RALGPS2: variants seen among roughly 807,000 people sequenced by gnomAD.
RALGPS2 encodes Ral GEF with PH domain and SH3 binding motif 2.
RALGPS2 carries 43 observed loss-of-function variants against 86.8 expected under a neutral mutation model. The observed-to-expected ratio is 0.50, with a 90% CI of 0.39 to 0.64. The LOEUF (loss-of-function observed/expected upper bound fraction) is 0.64, where lower values mean the gene tolerates loss of function less well. RALGPS2 is among the 30% of genes least tolerant of loss of function. The pLI, the probability that RALGPS2 is intolerant of heterozygous loss-of-function variation, is 0.00. For missense variants in RALGPS2, 536 were observed against 694.6 expected (o/e 0.77, Z 2.57); for synonymous variants, 243 against 231.3 (o/e 1.05, Z -0.46).
chr1:178,889,587 G>A (rs978499523), intron 13 of RALGPS2, 55 bp from the exon 14 acceptor site: 14 of 1,163,370 alleles, frequency 1.2e-5, no homozygotes, highest in Non-Finnish European at 1.8e-5. Context: ...ATTGTGAAAT[G>A]CAAACTAGAG....
chr1:178,748,935 A>G (rs1338120650), intron 1 of RALGPS2, among the ~76,000 whole-genome samples: 1 of 151,392 alleles, frequency 6.6e-6, no homozygotes, highest in African/African-American at 2.4e-5. Context: ...TATACTATAT[A>G]TGTACTTTGA....
At chr1:178,847,319 G>A (rs980962208) in intron 8 of RALGPS2, among the ~76,000 whole-genome samples, 5 of 152,124 alleles carry the variant, frequency 3.3e-5, no homozygotes, top group South Asian at 2.1e-4. Flanking sequence ...GGTGGTGGGC[G>A]CCTGTAATCC....
intron 8 of RALGPS2, among the ~76,000 whole-genome samples, chr1:178,872,208 G>T (rs1275462587): frequency 6.6e-6 from 1 of 152,032 alleles, no homozygotes; most frequent in Non-Finnish European, 1.5e-5. Context: ...TTTCTGTTAG[G>T]CCACACTGTT....
intron 1 of RALGPS2, among the ~76,000 whole-genome samples, chr1:178,775,416 TTA>T (rs1187516681): frequency 6.6e-6 from 1 of 152,260 alleles, no homozygotes; most frequent in East Asian, 1.9e-4. Flanking sequence ...AGTACCTAAT[TTA>T]TAGACACTTA....
chr1:178,770,050 T>C (rs1207548617), intron 1 of RALGPS2, among the ~76,000 whole-genome samples: 1 of 140,470 alleles, frequency 7.1e-6, no homozygotes, highest in African/African-American at 2.6e-5. Context: ...AAGGTCTCAC[T>C]CTCTTGCCTA....
chr1:178,845,264 A>G (rs930298070), intron 8 of RALGPS2, among the ~76,000 whole-genome samples: 21 of 152,126 alleles, frequency 1.4e-4, no homozygotes, highest in Non-Finnish European at 2.8e-4. Context: ...GTGGATCTAG[A>G]TATGACTCCT....
chr1:178,860,765 G>A (rs1012331094), intron 8 of RALGPS2, among the ~76,000 whole-genome samples: 2 of 152,028 alleles, frequency 1.3e-5, no homozygotes, highest in African/African-American at 4.8e-5. Context: ...TATGCATGTG[G>A]AGACTTTAGA....
At chr1:178,726,700 C>T (rs1008462741) in intron 1 of RALGPS2, among the ~76,000 whole-genome samples, 1 of 151,990 alleles carries the variant, frequency 6.6e-6, no homozygotes, top group African/African-American at 2.4e-5. Flanking sequence ...CTTTTCTTAC[C>T]AGTGTTCATG....
At chr1:178,767,597 G>T (rs1038539849) in intron 1 of RALGPS2, among the ~76,000 whole-genome samples, 1 of 152,060 alleles carries the variant, frequency 6.6e-6, no homozygotes, top group Non-Finnish European at 1.5e-5. Context: ...TGCTGTTCAT[G>T]TGCTCCCCAG....
At chr1:178,892,416 T>C in intron 15 of RALGPS2, 109 bp downstream of exon 15, 1 of 850,926 alleles carries the variant, frequency 1.2e-6, no homozygotes, top group Non-Finnish European at 1.8e-6. Context: ...CTAATTGATT[T>C]AAAAACTAAA....
rs1655727377 is a variant in RALGPS2 at position 178,826,018 on chromosome 1, A to G, written c.480+4314A>G. 2.0e-5 allele frequency among the ~76,000 whole-genome samples: 3 copies of G among 152,206 alleles called. 1 individual carries two copies. Among genetic ancestry groups the G allele is most frequent in the South Asian group, 4.1e-4 (2 of 4,830 alleles). On this transcript the variant is annotated intron_variant, in intron 7 of 19. Coordinates refer to ENST00000367635, the MANE Select transcript of RALGPS2 (RefSeq NM_152663.5). ...CAAGGTTTATAAGAAAAGAAAGGGA[A>G]TGCTTAGAGAAAATGTTAAGGATAG...
intron 1 of RALGPS2, among the ~76,000 whole-genome samples, chr1:178,743,315 T>C (rs991016167): frequency 5.3e-5 from 8 of 152,122 alleles, no homozygotes; most frequent in African/African-American, 1.9e-4. Context: ...AGATCTCAAA[T>C]CATTCACTTC....
chr1:178,836,376 CCTT>C (rs753963186), intron 8 of RALGPS2, among the ~76,000 whole-genome samples: 5 of 152,244 alleles, frequency 3.3e-5, no homozygotes, highest in South Asian at 2.1e-4. Flanking sequence ...TCCAATGACT[CCTT>C]CTTTTTTTCA....
Position 178,885,184 on chromosome 1 carries a change from A to G in RALGPS2, c.1013A>G (p.His338Arg), listed in dbSNP as rs1359928383. ...CCTCGGAATCTGATTCCACATGGAC[A>G]TAGGAAGTGCCATAGTTTGGGTTAT... is the stretch of plus-strand genomic sequence containing the variant. Reference protein sequence around the residue: ...PSPRNLIPHGHRKCHSLGYNF... With the variant: ...PSPRNLIPHGRRKCHSLGYNF... Residue 338 changes from histidine (H) to arginine (R), a missense_variant, in exon 12 of 20, where the codon CAT becomes CGT. Physicochemically the swap from His to Arg is conservative, Grantham distance 29. Coordinates refer to ENST00000367635, the MANE Select transcript of RALGPS2 (RefSeq NM_152663.5). The G allele has an allele frequency of 5.0e-6, 8 of 1,613,374 alleles. No individual in the cohort carries two copies. The Admixed American group carries it at 6.7e-5, about 13-fold the overall frequency.
intron 1 of RALGPS2, among the ~76,000 whole-genome samples, chr1:178,767,800 T>C (rs113575178): frequency 0.041 from 6,276 of 152,216 alleles, 173 homozygotes; most frequent in African/African-American, 0.072. Flanking sequence ...TGAAGTAGGA[T>C]CACTGGACTA....
At chr1:178,887,757 A>G (rs1185011564) in intron 13 of RALGPS2, among the ~76,000 whole-genome samples, 1 of 152,210 alleles carries the variant, frequency 6.6e-6, no homozygotes, top group African/African-American at 2.4e-5. Context: ...AAGTGATTAA[A>G]TGATAAAATG....
At chr1:178,875,378 A>C (rs369195938) in intron 8 of RALGPS2, among the ~76,000 whole-genome samples, 2 of 152,206 alleles carry the variant, frequency 1.3e-5, no homozygotes, top group Admixed American at 6.5e-5. Flanking sequence ...GAGGACAAGG[A>C]TGTTATCTTG....
chr1:178,736,165 G>GTT (rs369513866), intron 1 of RALGPS2, among the ~76,000 whole-genome samples: 17 of 134,750 alleles, frequency 1.3e-4, no homozygotes, highest in Admixed American at 3.7e-4. Flanking sequence ...TTTGTGGGTT[G>GTT]TTTTTTTTTT....
intron 8 of RALGPS2, 95 bp downstream of exon 8, chr1:178,833,645 A>G (rs922823582): frequency 3.1e-5 from 45 of 1,462,970 alleles, no homozygotes; most frequent in Admixed American, 3.0e-4. Flanking sequence ...AAATGTTTGT[A>G]TCTTTTAAAT....
Sources: allele counts gnomAD v4.1 joint callset (sites outside exome capture counted in the v4.1 genomes callset), GRCh38; gene constraint gnomAD v4.1.1; transcripts MANE v1.5; gene names NCBI Gene and HGNC (gene_info 2026-07-23, HGNC 2026-07-21).